CCDC171: variants seen among roughly 807,000 people sequenced by gnomAD.
CCDC171 encodes the protein coiled-coil domain containing 171, also known as coiled-coil domain-containing protein 171.
A neutral mutation model predicts 168.2 loss-of-function variants in CCDC171; 177 were observed. That is an observed-to-expected ratio of 1.05 (90% CI 0.93 to 1.19). The LOEUF (loss-of-function observed/expected upper bound fraction) is 1.19. CCDC171 is among the 50% of genes most tolerant of loss of function. CCDC171 has a pLI of 0.00. For missense variants in CCDC171, 1,991 were observed against 1,539.0 expected, an observed-to-expected ratio of 1.29 and a Z score of -4.91; for synonymous variants, 687 against 540.8, an observed-to-expected ratio of 1.27 and a Z score of -3.75.
At chr9:15,761,711 A>G (rs2056453219) in intron 18 of CCDC171, among the ~76,000 whole-genome samples, 1 of 152,166 alleles carries the variant, frequency 6.6e-6, no homozygotes, top group African/African-American at 2.4e-5. Context: ...GGAAACAAGC[A>G]CAATCTGACT....
At chr9:15,928,508 C>G (rs77024279) in intron 25 of CCDC171, among the ~76,000 whole-genome samples, 2,680 of 151,756 alleles carry the variant, frequency 0.018, 84 homozygotes, top group African/African-American at 0.061. Context: ...GAAACTCTCA[C>G]TGTGATATCT....
chr9:15,557,940 A>G (rs533565055), intron 1 of CCDC171, among the ~76,000 whole-genome samples: 1 of 152,128 alleles, frequency 6.6e-6, no homozygotes, highest in Admixed American at 6.6e-5. Flanking sequence ...GAGAGTTTTT[A>G]GCATGAAGTG....
At chr9:15,601,141 C>T (rs1812686) in intron 6 of CCDC171, among the ~76,000 whole-genome samples, 61,230 of 151,992 alleles carry the variant, frequency 0.4, 14,124 homozygotes, top group East Asian at 0.75. Flanking sequence ...CACCCACTGT[C>T]CTGCACCCAC....
In CCDC171 at chr9:15,972,024, C is replaced by T; in HGVS notation, c.*188C>T. The stretch of plus-strand genomic sequence containing the variant: ...AAGGAAATAGCCAACTTTTTTCTCT[C>T]CAAGTTTTATTTGTTATCACAGTTG... On this transcript the variant is annotated 3_prime_UTR_variant, in exon 26 of 26. Coordinates refer to ENST00000380701, the MANE Select transcript of CCDC171 (RefSeq NM_173550.4). The T allele has an allele frequency of 1.9e-6, 1 of 523,454 alleles. No individual in the cohort carries two copies. The highest frequency in any genetic ancestry group is 3.3e-6 in the Non-Finnish European group (1 of 298,548). 32.4% of individuals were successfully genotyped at this position (523,454 alleles called of 1,614,324 possible).
chr9:15,871,630 G>A (rs1430220234), intron 23 of CCDC171, among the ~76,000 whole-genome samples: 1 of 151,726 alleles, frequency 6.6e-6, no homozygotes, highest in Non-Finnish European at 1.5e-5. Context: ...TAATATGTTA[G>A]TTACTTTGTT....
chr9:15,679,113 C>G (rs1211922006), intron 10 of CCDC171, among the ~76,000 whole-genome samples: 5 of 151,616 alleles, frequency 3.3e-5, no homozygotes, highest in Admixed American at 3.3e-4. Flanking sequence ...ACTAACTGAA[C>G]TAGTAAAAAC....
At chr9:15,753,643 T>C (rs1264471217) in intron 18 of CCDC171, among the ~76,000 whole-genome samples, 2 of 152,284 alleles carry the variant, frequency 1.3e-5, no homozygotes, top group East Asian at 3.9e-4. Flanking sequence ...TGTCTTTACA[T>C]GCTTGCCTAA....
intron 7 of CCDC171, among the ~76,000 whole-genome samples, chr9:15,642,885 A>G (rs7042475): frequency 0.45 from 69,148 of 151,982 alleles, 16,034 homozygotes; most frequent in Non-Finnish European, 0.51. Context: ...ATTAATATAT[A>G]TACAAGAAGT....
chr9:15,846,348 C>T (rs1428659682), intron 21 of CCDC171, among the ~76,000 whole-genome samples: 23 of 152,030 alleles, frequency 1.5e-4, no homozygotes, highest in Non-Finnish European at 1.5e-5. Flanking sequence ...AAAATTGACT[C>T]TAAATTTCAT....
At chr9:15,954,071 A>G (rs113262085) in intron 25 of CCDC171, among the ~76,000 whole-genome samples, 1,778 of 150,236 alleles carry the variant, frequency 0.012, 20 homozygotes, top group Non-Finnish European at 0.02. Flanking sequence ...TTTCTTGCCT[A>G]TCTAGCTAAA....
intron 11 of CCDC171, among the ~76,000 whole-genome samples, chr9:15,697,088 C>T (rs954498543): frequency 6.6e-6 from 1 of 152,158 alleles, no homozygotes; most frequent in Admixed American, 6.5e-5. Context: ...TACCTTCTGG[C>T]TTCTGGTTAG....
intron 11 of CCDC171, among the ~76,000 whole-genome samples, chr9:15,706,755 G>A (rs953863464): frequency 2.6e-5 from 4 of 152,126 alleles, no homozygotes; most frequent in Non-Finnish European, 5.9e-5. Context: ...CATGTTCACT[G>A]AGACTCCAAC....
rs1252080093 is a variant in CCDC171 at position 15,820,110 on chromosome 9, A to C, written c.3268-26592A>C. 3.3e-4 allele frequency among the ~76,000 whole-genome samples: 39 copies of C among 118,244 alleles called. 12 individuals carry two copies. The highest frequency in any genetic ancestry group is 1.2e-3 in the African/African-American group (39 of 31,504). 77.6% of individuals were successfully genotyped at this position (118,244 alleles called of 152,430 possible). A position where few individuals can be genotyped will look rare whatever the true frequency, so the allele number is the denominator to read the frequency against. On this transcript the variant is annotated intron_variant, in intron 21 of 25. Coordinates refer to ENST00000380701, the MANE Select transcript of CCDC171 (RefSeq NM_173550.4). Reference sequence around the variant, plus strand: ...TGACTACTGGGTACATAACAAAATGAAGGCAGAAATAAAGGTGTTCTTTGA... The same window carrying C: ...TGACTACTGGGTACATAACAAAATGCAGGCAGAAATAAAGGTGTTCTTTGA...
chr9:15,810,128 C>T (rs759850654), intron 21 of CCDC171, among the ~76,000 whole-genome samples: 2 of 151,942 alleles, frequency 1.3e-5, no homozygotes, highest in Admixed American at 6.6e-5. Context: ...GAACTAGACA[C>T]AGAGTGCTGA....
intron 21 of CCDC171, among the ~76,000 whole-genome samples, chr9:15,836,041 A>G (rs1425834462): frequency 6.6e-6 from 1 of 152,184 alleles, no homozygotes; most frequent in Non-Finnish European, 1.5e-5. Flanking sequence ...TTAATATTTA[A>G]TTAAACTTCA....
At chr9:16,096,981 G>A in the CCDC171 span, among the ~76,000 whole-genome samples, 1 of 152,170 alleles carries the variant, frequency 6.6e-6, no homozygotes, top group East Asian at 1.9e-4. Context: ...GGAAGGAAAG[G>A]AGGCAAAAGG....
intron 2 of CCDC171, among the ~76,000 whole-genome samples, chr9:15,567,716 A>G (rs977937044): frequency 6.6e-6 from 1 of 151,548 alleles, no homozygotes; most frequent in Non-Finnish European, 1.5e-5. Context: ...GTACAGTGGC[A>G]TGATCTTAGC....
chr9:15,623,156 T>C, intron 6 of CCDC171, 111 bp from the exon 7 acceptor site: 2 of 656,138 alleles, frequency 3.0e-6, no homozygotes, highest in Non-Finnish European at 4.8e-6. Flanking sequence ...TAAATTAACC[T>C]ATTATTATAG....
intron 6 of CCDC171, among the ~76,000 whole-genome samples, chr9:15,617,236 G>C (rs1429911041): frequency 1.3e-5 from 2 of 152,194 alleles, no homozygotes; most frequent in African/African-American, 2.4e-5. Context: ...TGCTGGAGAG[G>C]TGTTGCGATC....
Sources: allele counts gnomAD v4.1 joint callset (sites outside exome capture counted in the v4.1 genomes callset), GRCh38; gene constraint gnomAD v4.1.1; transcripts MANE v1.5; gene names NCBI Gene and HGNC (gene_info 2026-07-23, HGNC 2026-07-21).